Variants in ADGRD2 observed in about 807,000 individuals in gnomAD.
ADGRD2 encodes the protein adhesion G protein-coupled receptor D2, also known as G protein-coupled receptor PGR24.
Under a neutral mutation model 44.4 loss-of-function variants are expected in ADGRD2, and 71 were observed. The ratio of observed to expected loss-of-function variants is 1.60; its 90% CI spans 1.32 to 1.95. ADGRD2 has a LOEUF of 1.95. ADGRD2 is among the 30% of genes most tolerant of loss of function. The probability of loss-of-function intolerance (pLI) is 0.00; values close to 1 mark genes in which losing one functional copy is unlikely to be tolerated. For missense variants in ADGRD2, 1,039 were observed against 512.4 expected (o/e 2.03, Z -9.92); for synonymous variants, 481 against 224.8 (o/e 2.14, Z -10.19).
chr9:124,466,130 A>C (rs1017653562), intron 10 of ADGRD2, 128 bp from the exon 14 acceptor site: 4 of 459,938 alleles, frequency 8.7e-6, no homozygotes, highest in African/African-American at 8.0e-5. Context: ...GAGACCCAGG[A>C]AGGGGCGGTG....
At chr9:124,452,478 G>A in intron 1 of ADGRD2, 32 bp from the exon 5 acceptor site, 1 of 718,088 alleles carries the variant, frequency 1.4e-6, no homozygotes, top group Non-Finnish European at 2.6e-6. Context: ...CCCACAAAAT[G>A]CACCCCCCAC....
At chr9:124,475,397 G>T (rs1475085337) in intron 17 of ADGRD2, 49 bp from the exon 21 acceptor site, 1 of 696,698 alleles carries the variant, frequency 1.4e-6, no homozygotes, top group East Asian at 2.8e-5. Context: ...GGCTGTGGGG[G>T]ATGGGGTAGG....
At chr9:124,466,295 C>T in exon 11 of ADGRD2, 1 of 713,778 alleles carries the variant, frequency 1.4e-6, no homozygotes, top group South Asian at 1.5e-5. Context: ...AGCCCATATA[C>T]AGGGGGTGCC....
At chr9:124,469,005 G>A (rs982862862) in intron 14 of ADGRD2, among the ~76,000 whole-genome samples, 1 of 152,148 alleles carries the variant, frequency 6.6e-6, no homozygotes, top group Non-Finnish European at 1.5e-5. Flanking sequence ...CCCAGCTGTA[G>A]CCTCCAAAGC....
chr9:124,456,554 C>T, intron 6 of ADGRD2, 68 bp from the exon 10 acceptor site: 2 of 708,358 alleles, frequency 2.8e-6, no homozygotes, highest in South Asian at 3.0e-5. Context: ...GCATTTATCC[C>T]AGCGCTCAGG....
chr9:124,463,069 G>A (rs1239598951), intron 10 of ADGRD2, among the ~76,000 whole-genome samples: 2 of 152,004 alleles, frequency 1.3e-5, no homozygotes, highest in Middle Eastern at 3.2e-3. Context: ...AGGCATCCTT[G>A]TCTCATTCTT....
chr9:124,475,524 C>T (rs1239577825), intron 18 of ADGRD2, 37 bp downstream of exon 21: 2 of 715,628 alleles, frequency 2.8e-6, no homozygotes, highest in South Asian at 1.5e-5. Context: ...GAGAGGGGTC[C>T]AAGGGGTAGG....
At chr9:124,478,071 G>A (rs1034622622) in intron 21 of ADGRD2, among the ~76,000 whole-genome samples, 2 of 152,122 alleles carry the variant, frequency 1.3e-5, no homozygotes, top group African/African-American at 4.8e-5. Context: ...GAGGCTGCCG[G>A]GCTGTGTCCT....
rs2131227489 is a variant in ADGRD2 at position 124,454,047 on chromosome 9, G to T, written c.974G>T (p.Gly325Val). 1 of 714,338 alleles carries T rather than the reference G, an allele frequency of 1.4e-6. No individual in the cohort carries two copies. Among genetic ancestry groups the T allele is most frequent in the South Asian group, 1.5e-5 (1 of 67,162 alleles). 44.2% of individuals were successfully genotyped at this position (714,338 alleles called of 1,614,324 possible). Residue 325 changes from glycine to valine, a missense_variant, in exon 4 of 22, where the codon GGC becomes GTC. By Grantham distance (109) the Gly-to-Val change is moderately radical (BLOSUM62 -3). Coordinates refer to ENST00000334810, the Ensembl canonical transcript of ADGRD2. The surrounding 1 kb of genome is among the most constrained non-coding windows in gnomAD (Gnocchi z 4.5). Reference sequence around the variant, plus strand: ...TGGAACCCGGGACCTCGCAGTGAGGGCTCTGAGCTCTGCCTGGAGCCGCAG... The same window carrying T: ...TGGAACCCGGGACCTCGCAGTGAGGTCTCTGAGCTCTGCCTGGAGCCGCAG...
chr9:124,457,227 T>C (rs1278743585), intron 7 of ADGRD2, among the ~76,000 whole-genome samples: 1 of 152,120 alleles, frequency 6.6e-6, no homozygotes, highest in African/African-American at 2.4e-5. Context: ...TACCCACCAG[T>C]TTCTGGTGAC....
chr9:124,464,493 G>A (rs1831778166), intron 10 of ADGRD2, among the ~76,000 whole-genome samples: 2 of 152,152 alleles, frequency 1.3e-5, no homozygotes, highest in African/African-American at 2.4e-5. Context: ...CTGTCTCTTA[G>A]GTTGCTATGA....
At chr9:124,468,128 A>C (rs1268460675) in exon 13 of ADGRD2, 1 of 718,526 alleles carries the variant, frequency 1.4e-6, no homozygotes, top group South Asian at 1.5e-5. Flanking sequence ...CAAGAACCTC[A>C]CCTTCTCCCT....
intron 14 of ADGRD2, 59 bp downstream of exon 17, chr9:124,468,731 C>T: frequency 1.5e-6 from 1 of 662,492 alleles, no homozygotes. Context: ...CACGGCCGAC[C>T]CTGCCATCTA....
intron 16 of ADGRD2, among the ~76,000 whole-genome samples, chr9:124,470,108 AG>A (rs1193868549): frequency 6.6e-6 from 1 of 152,058 alleles, no homozygotes; most frequent in African/African-American, 2.4e-5. Context: ...CTAAGCTGGG[AG>A]GGGGTCCCTG....
chr9:124,452,121 T>TC lies in ADGRD2; in HGVS notation c.35dup (p.Gln13ProfsTer56). ...GAGTCTCTCTGGGACCCCCTCCAACTCCCCAGGTGAATCAAGGAACCCTTG... is the reference window on the plus strand; with the variant it reads ...GAGTCTCTCTGGGACCCCCTCCAACTCCCCCAGGTGAATCAAGGAACCCTTG... On this transcript the variant is annotated frameshift_variant, in exon 1 of 22. Coordinates refer to ENST00000334810, the Ensembl canonical transcript of ADGRD2. LOFTEE classifies it high-confidence loss of function. 1.4e-6 allele frequency: 1 copy of TC among 714,008 alleles called. No individual in the cohort carries two copies. The highest frequency in any genetic ancestry group is 1.5e-5 in the South Asian group (1 of 67,494). The allele number at this position is 714,008 out of a possible 1,614,324, so 44.2% of individuals were successfully genotyped here.
At chr9:124,458,587 AC>A (rs1166368281) in intron 9 of ADGRD2, 28 bp from the exon 13 acceptor site, 3 of 715,922 alleles carry the variant, frequency 4.2e-6, no homozygotes. Flanking sequence ...CTCCACAGCC[AC>A]CCTTGAAAGC....
At chr9:124,451,776 C>T (rs184343404), upstream of ADGRD2, 234 of 318,632 alleles carry the variant, frequency 7.3e-4, 1 homozygote, top group East Asian at 8.8e-3. Flanking sequence ...TTCCAAGTGG[C>T]CATCCTTACC....
intron 16 of ADGRD2, 68 bp downstream of exon 19, chr9:124,469,615 G>T: frequency 1.4e-6 from 1 of 702,946 alleles, no homozygotes; most frequent in East Asian, 2.7e-5. Context: ...CAGGCGTGAG[G>T]CTCACTGGGC....
chr9:124,475,739 C>G (rs1832038794), intron 19 of ADGRD2, 124 bp downstream of exon 22: 2 of 552,708 alleles, frequency 3.6e-6, no homozygotes, highest in Admixed American at 7.0e-5. Context: ...CTGAGGCCCC[C>G]AGGCCCCTGG....
Sources: allele counts gnomAD v4.1 joint callset (sites outside exome capture counted in the v4.1 genomes callset), GRCh38; gene constraint gnomAD v4.1.1; non-coding constraint Gnocchi (gnomAD v3.1); transcripts MANE v1.5; gene names NCBI Gene and HGNC (gene_info 2026-07-23, HGNC 2026-07-21).